Variants in PDZRN4 observed in about 807,000 individuals in gnomAD.
PDZRN4 encodes the protein PDZ domain-containing RING finger protein 4.
In PDZRN4, 70 loss-of-function variants were observed where a neutral mutation model predicts 99.0. The observed-to-expected ratio is 0.71, with a 90% CI of 0.58 to 0.86. The LOEUF is 0.86. Among genes scored for constraint, PDZRN4 ranks in the 40% least tolerant of loss-of-function variants. PDZRN4 has a pLI of 0.00. For missense variants in PDZRN4, 1,474 were observed against 1,331.2 expected (o/e 1.11, Z -1.67); for synonymous variants, 551 against 501.6 (o/e 1.10, Z -1.32).
At position 41,454,424 on chromosome 12, in the gene PDZRN4, G is replaced by A. The variant is rs369930848; in HGVS notation, c.844-52032G>A. On this transcript the variant is annotated intron_variant, in intron 3 of 9. Transcript: ENST00000402685. ...TGGTAGAGTCACATTTTTAAAAGAT[G>A]TATTTTTTTCTTTTCTTACAAAATT... 2.6e-5 allele frequency among the ~76,000 whole-genome samples: 4 copies of A among 152,248 alleles called. No homozygotes were observed. The East Asian group carries it at 7.7e-4, about 29-fold the overall frequency.
intron 3 of PDZRN4, among the ~76,000 whole-genome samples, chr12:41,449,363 C>A (rs1321032094): frequency 1.3e-5 from 2 of 152,154 alleles, no homozygotes; most frequent in Non-Finnish European, 2.9e-5. Flanking sequence ...AGGTCAAAAA[C>A]CCTGTCTTCA....
At chr12:41,335,985 G>A (rs138741618) in intron 3 of PDZRN4, among the ~76,000 whole-genome samples, 3 of 152,096 alleles carry the variant, frequency 2.0e-5, no homozygotes, top group Non-Finnish European at 4.4e-5. Context: ...TTAGGATAAG[G>A]CATATAAAAA....
At chr12:41,446,000 T>C (rs748073714) in intron 3 of PDZRN4, among the ~76,000 whole-genome samples, 1 of 152,084 alleles carries the variant, frequency 6.6e-6, no homozygotes, top group African/African-American at 2.4e-5. Flanking sequence ...ATTAATTCTA[T>C]CACTTTCAAT....
Position 41,573,248 on chromosome 12 carries a change from C to T in PDZRN4, c.2469C>T (p.Val823=). 6.2e-7 allele frequency: 1 copy of T among 1,614,018 alleles called. No homozygotes were observed. The highest frequency in any genetic ancestry group is 1.1e-5 in the South Asian group (1 of 91,074). The part of the protein sequence containing the change: ...GSKLPDQEKA[V]SEHIPYLSPY... ...AGCTTCCTGATCAAGAGAAGGCAGT[C>T]AGCGAACACATCCCTTACCTCTCTC... Residue 823 remains valine, a synonymous_variant, in exon 10 of 10, where the codon GTC becomes GTT. Transcript: ENST00000402685.
chr12:41,260,128 AAAGT>A (rs1204402382), intron 3 of PDZRN4, among the ~76,000 whole-genome samples: 2 of 152,200 alleles, frequency 1.3e-5, no homozygotes, highest in Non-Finnish European at 2.9e-5. Context: ...TCACATTTCA[AAAGT>A]AAGATCTTTC....
intron 5 of PDZRN4, among the ~76,000 whole-genome samples, chr12:41,549,697 T>G (rs1939020161): frequency 2.6e-5 from 4 of 152,184 alleles, no homozygotes; most frequent in African/African-American, 9.6e-5. Context: ...TGGGGTCACA[T>G]GTTAAGTAAT....
At chr12:41,201,923 A>G (rs910281644) in intron 3 of PDZRN4, among the ~76,000 whole-genome samples, 6 of 152,142 alleles carry the variant, frequency 3.9e-5, no homozygotes. Context: ...ATTGGATCTG[A>G]AGACATGTGT....
Position 41,337,118 on chromosome 12 carries a change from G to A in PDZRN4, c.843+142930G>A, listed in dbSNP as rs533004127. The stretch of plus-strand genomic sequence containing the variant: ...CAATTTTGTTTCAGAGTCACACTAT[G>A]AACTGAATTCCTTCCCAAAGTTAGT... On this transcript the variant is annotated intron_variant, in intron 3 of 9. Transcript: ENST00000402685. Among the ~76,000 whole-genome samples the A allele has an allele frequency of 2.0e-5, 3 of 152,212 alleles. No homozygotes were observed. In the East Asian group the frequency reaches 5.8e-4, roughly 29 times the overall value.
At chr12:41,338,930 CA>C (rs1427333129) in intron 3 of PDZRN4, among the ~76,000 whole-genome samples, 9 of 151,616 alleles carry the variant, frequency 5.9e-5, no homozygotes, top group Non-Finnish European at 4.4e-5. Context: ...AAAGAAGGAA[CA>C]AAAAAATGGA....
intron 3 of PDZRN4, among the ~76,000 whole-genome samples, chr12:41,464,001 G>A (rs1159045024): frequency 6.6e-6 from 1 of 152,130 alleles, no homozygotes; most frequent in Non-Finnish European, 1.5e-5. Flanking sequence ...CACACAGGAT[G>A]ACCAGAGCTC....
At chr12:41,485,262 G>C (rs547459492) in intron 3 of PDZRN4, among the ~76,000 whole-genome samples, 1 of 152,292 alleles carries the variant, frequency 6.6e-6, no homozygotes, top group African/African-American at 2.4e-5. Context: ...ACAAGAAGAA[G>C]GCTATCCCTG....
chr12:41,226,895 C>T (rs75911531), intron 3 of PDZRN4, among the ~76,000 whole-genome samples: 3,636 of 152,220 alleles, frequency 0.024, 111 homozygotes, highest in African/African-American at 0.071. Flanking sequence ...GCTTTTTGTG[C>T]CAGTCAAACT....
chr12:41,572,783 G>T lies in PDZRN4; in HGVS notation c.2004G>T (p.Leu668Phe). 6.2e-7 allele frequency: 1 copy of T among 1,614,150 alleles called. No individual in the cohort carries two copies. Among genetic ancestry groups the T allele is most frequent in the Non-Finnish European group, 8.5e-7 (1 of 1,180,004 alleles). The change falls in exon 10 of 10, where the codon TTG (leucine) becomes TTT (phenylalanine). Residue 668 changes from leucine (L) to phenylalanine (F), a missense_variant. Transcript: ENST00000402685. ...EQEGVEHELQLLNEELRNIEL... is the reference protein window; with the variant it reads ...EQEGVEHELQFLNEELRNIEL... Reference sequence around the variant, plus strand: ...AGGGAGTGGAGCATGAGCTACAGTTGCTTAATGAAGAACTGAGAAACATTG... The same window carrying T: ...AGGGAGTGGAGCATGAGCTACAGTTTCTTAATGAAGAACTGAGAAACATTG...
intron 3 of PDZRN4, among the ~76,000 whole-genome samples, chr12:41,254,355 G>A (rs752476510): frequency 3.9e-5 from 6 of 152,030 alleles, no homozygotes; most frequent in Admixed American, 2.6e-4. Context: ...TTCAGGAGAC[G>A]AAGTAAGATA....
intron 3 of PDZRN4, among the ~76,000 whole-genome samples, chr12:41,421,483 G>A (rs1053526680): frequency 6.6e-6 from 1 of 152,156 alleles, no homozygotes; most frequent in Non-Finnish European, 1.5e-5. Context: ...ATGAGCCACC[G>A]TGCCCAGCCT....
intron 5 of PDZRN4, among the ~76,000 whole-genome samples, chr12:41,521,327 G>T (rs1938489116): frequency 1.3e-5 from 2 of 152,008 alleles, no homozygotes; most frequent in African/African-American, 2.4e-5. Context: ...TAAAGTCCCA[G>T]ATTCTTCTCA....
intron 5 of PDZRN4, among the ~76,000 whole-genome samples, chr12:41,549,913 A>AT (rs1303067215): frequency 1.3e-5 from 2 of 152,150 alleles, no homozygotes; most frequent in Non-Finnish European, 1.5e-5. Context: ...AAAGGGGAAT[A>AT]TTGGAAACAA....
intron 5 of PDZRN4, among the ~76,000 whole-genome samples, chr12:41,541,162 C>A (rs532595636): frequency 6.6e-6 from 1 of 152,134 alleles, no homozygotes; most frequent in South Asian, 2.1e-4. Context: ...GATCTCCTGA[C>A]CTCATAATCC....
chr12:41,209,159 T>C (rs911691657), intron 3 of PDZRN4, among the ~76,000 whole-genome samples: 3 of 151,890 alleles, frequency 2.0e-5, no homozygotes, highest in Non-Finnish European at 1.5e-5. Context: ...GTGGCTAACT[T>C]CATGAATCAC....
Sources: allele counts gnomAD v4.1 joint callset (sites outside exome capture counted in the v4.1 genomes callset), GRCh38; gene constraint gnomAD v4.1.1; transcripts MANE v1.5; gene names NCBI Gene and HGNC (gene_info 2026-07-23, HGNC 2026-07-21).